Variants in SEC23IP observed in about 807,000 individuals in gnomAD.
SEC23IP encodes SEC23-interacting protein.
In SEC23IP, 70 loss-of-function variants were observed where a neutral mutation model predicts 113.4. The observed-to-expected ratio is 0.62, with a 90% CI of 0.51 to 0.75. The LOEUF is 0.75. Among genes scored for constraint, SEC23IP ranks in the 30% least tolerant of loss-of-function variants. The pLI, the probability that SEC23IP is intolerant of heterozygous loss-of-function variation, is 0.00. For missense variants in SEC23IP, 1,160 were observed against 1,204.9 expected, an observed-to-expected ratio of 0.96 and a Z score of 0.55; for synonymous variants, 398 against 421.0, an observed-to-expected ratio of 0.95 and a Z score of 0.67.
At position 119,904,218 on chromosome 10, in the gene SEC23IP, A is replaced by C; in HGVS notation, c.1042A>C (p.Lys348Gln). 6.2e-7 allele frequency: 1 copy of C among 1,614,198 alleles called. No homozygotes were observed. The highest frequency in any genetic ancestry group is 8.5e-7 in the Non-Finnish European group (1 of 1,180,020). The stretch of plus-strand genomic sequence containing the variant: ...AGTGAGACGCTGTACTTGGTTTTAC[A>C]AGGGGGACACAGATAGTCGATTTAT... ...AEVRRCTWFY[K>Q]GDTDSRFIPY... The change falls in exon 4 of 19, where the codon AAG (lysine) becomes CAG (glutamine). Residue 348 changes from lysine (K) to glutamine (Q), a missense_variant. By Grantham distance (53) the Lys-to-Gln change is moderately conservative (BLOSUM62 1). Coordinates refer to ENST00000369075, the MANE Select transcript of SEC23IP (RefSeq NM_007190.4).
chr10:119,920,950 T>C lies in SEC23IP; in HGVS notation c.2087T>C (p.Ile696Thr), dbSNP rs1044003966. The change falls in exon 12 of 19, where the codon ATA becomes ACA. Residue 696 changes from isoleucine (I) to threonine (T), a missense_variant. Ile to Thr is a moderately conservative substitution (Grantham distance 89, BLOSUM62 -1). Transcript: ENST00000369075. The stretch of plus-strand genomic sequence containing the variant: ...ATACCCCTTGGACCCAGAAAGAAGA[T>C]AGCTAACTTTGTAGAACATAAAGCA... ...MGIPLGPRKKIANFVEHKAAK... is the reference protein window; with the variant it reads ...MGIPLGPRKKTANFVEHKAAK... 2 of 1,613,820 alleles carry C rather than the reference T, an allele frequency of 1.2e-6. No homozygotes were observed. Among genetic ancestry groups the C allele is most frequent in the African/African-American group, 2.7e-5 (2 of 75,076 alleles).
chr10:119,909,847 G>A (rs905964744), intron 5 of SEC23IP, among the ~76,000 whole-genome samples: 1 of 151,894 alleles, frequency 6.6e-6, no homozygotes, highest in African/African-American at 2.4e-5. Flanking sequence ...CTGTGATCAC[G>A]CTCACTCCAG....
intron 2 of SEC23IP, 135 bp from the exon 3 acceptor site, chr10:119,902,664 T>C: frequency 1.4e-6 from 1 of 723,012 alleles, no homozygotes; most frequent in South Asian, 1.8e-5. Context: ...AAAATTGCTT[T>C]GGGGTCTAGT....
intron 4 of SEC23IP, among the ~76,000 whole-genome samples, chr10:119,905,663 G>T (rs887813558): frequency 1.3e-5 from 2 of 152,194 alleles, no homozygotes; most frequent in Non-Finnish European, 2.9e-5. Flanking sequence ...CAAAACAACG[G>T]AAGGGTTGGA....
rs776364453 is a variant in SEC23IP, at chr10:119,920,884, T to C, written c.2026-5T>C. 3.1e-6 allele frequency: 5 copies of C among 1,590,690 alleles called. No individual in the cohort carries two copies. Among genetic ancestry groups the C allele is most frequent in the Non-Finnish European group, 8.6e-7 (1 of 1,160,844 alleles). On this transcript the variant is annotated splice_region_variant and splice_polypyrimidine_tract_variant and intron_variant, in intron 11 of 18. Transcript: ENST00000369075. ...ATTAATGTGCTTGTCTGTTTCCTTT[T>C]AAAGCTTATGTGTACAGTTGATGAC...
At chr10:119,917,028 C>T (rs1160312580) in intron 8 of SEC23IP, among the ~76,000 whole-genome samples, 1 of 151,962 alleles carries the variant, frequency 6.6e-6, no homozygotes, top group Non-Finnish European at 1.5e-5. Context: ...GCCGCCATGC[C>T]TGGCTAATTT....
intron 2 of SEC23IP, 126 bp downstream of exon 2, chr10:119,899,085 T>A: frequency 1.2e-6 from 1 of 847,540 alleles, no homozygotes; most frequent in Non-Finnish European, 1.8e-6. Flanking sequence ...CAGAGGGTAT[T>A]CTTTGTAAGC....
chr10:119,933,495 C>T (rs1855674870), intron 17 of SEC23IP, among the ~76,000 whole-genome samples, 191 bp from the exon 18 acceptor site: 1 of 152,150 alleles, frequency 6.6e-6, no homozygotes, highest in Non-Finnish European at 1.5e-5. Context: ...TGGAGCTAAT[C>T]AGTATTCATC....
Position 119,931,937 on chromosome 10 carries a change from A to C in SEC23IP, c.2573-196A>C, listed in dbSNP as rs537486610. 1.0e-4 allele frequency among the ~76,000 whole-genome samples: 7 copies of C among 69,188 alleles called. No individual in the cohort carries two copies. The South Asian group carries it at 1.9e-3, about 19-fold the overall frequency. 45.4% of individuals were successfully genotyped at this position (69,188 alleles called of 152,430 possible). On this transcript the variant is annotated intron_variant, in intron 15 of 18. Transcript: ENST00000369075. Reference sequence around the variant, plus strand: ...TTTGCTGGATCAAGTTTAGTCATTAAAAAAAAAAGCAATAAGACTATCCAT... The same window carrying C: ...TTTGCTGGATCAAGTTTAGTCATTACAAAAAAAAGCAATAAGACTATCCAT...
At chr10:119,912,471 T>C (rs1339591904) in intron 6 of SEC23IP, among the ~76,000 whole-genome samples, 1 of 152,124 alleles carries the variant, frequency 6.6e-6, no homozygotes, top group Non-Finnish European at 1.5e-5. Context: ...TGTATCTTTA[T>C]TTTTTAATTG....
intron 2 of SEC23IP, among the ~76,000 whole-genome samples, chr10:119,902,363 TTAAA>T (rs1199993758): frequency 3.9e-5 from 6 of 152,218 alleles, no homozygotes; most frequent in African/African-American, 1.4e-4. Context: ...ACAAAAAAGG[TTAAA>T]TAAATCATGG....
At chr10:119,914,367 A>G (rs1052434757) in intron 6 of SEC23IP, 3 of 225,370 alleles carry the variant, frequency 1.3e-5, no homozygotes, top group Non-Finnish European at 2.7e-5. Context: ...TTCTTGTAAA[A>G]TAAATACTCA....
intron 13 of SEC23IP, among the ~76,000 whole-genome samples, chr10:119,929,295 G>T (rs1564922960): frequency 6.6e-6 from 1 of 152,092 alleles, no homozygotes; most frequent in African/African-American, 2.4e-5. Context: ...GTGCGGTGGT[G>T]TGATCTTGGC....
intron 2 of SEC23IP, among the ~76,000 whole-genome samples, chr10:119,901,967 G>A (rs2134458115): frequency 6.6e-6 from 1 of 152,300 alleles, no homozygotes; most frequent in East Asian, 1.9e-4. Flanking sequence ...GATTACAGGT[G>A]TGAGCCACTG....
chr10:119,917,808 A>G, intron 8 of SEC23IP, 28 bp from the exon 9 acceptor site: 1 of 1,553,968 alleles, frequency 6.4e-7, no homozygotes, highest in African/African-American at 1.4e-5. Flanking sequence ...ATGCTGACTG[A>G]ATGTGCTGTA....
chr10:119,902,087 T>C (rs1854513856), intron 2 of SEC23IP, among the ~76,000 whole-genome samples: 2 of 152,174 alleles, frequency 1.3e-5, no homozygotes, highest in African/African-American at 4.8e-5. Flanking sequence ...CCGGGTGTGG[T>C]GGCTCACACC....
At chr10:119,939,538 G>T (rs542813493) in intron 18 of SEC23IP, among the ~76,000 whole-genome samples, 20 of 152,016 alleles carry the variant, frequency 1.3e-4, no homozygotes, top group African/African-American at 4.1e-4. Context: ...AGCCGGGCGT[G>T]GTAGCACACA....
intron 1 of SEC23IP, 131 bp downstream of exon 1, chr10:119,893,076 C>A: frequency 9.8e-7 from 1 of 1,023,222 alleles, no homozygotes; most frequent in Non-Finnish European, 1.4e-6. Flanking sequence ...CATTACTGGC[C>A]AGGTTTGAGT....
intron 8 of SEC23IP, among the ~76,000 whole-genome samples, chr10:119,917,567 C>T (rs1032538715): frequency 6.6e-6 from 1 of 151,898 alleles, no homozygotes; most frequent in Non-Finnish European, 1.5e-5. Flanking sequence ...TTAGTAAAGA[C>T]GGGGTTTCGC....
Sources: gnomAD v4.1 joint callset for allele counts (sites outside exome capture counted in the v4.1 genomes callset) on GRCh38, gnomAD v4.1.1 for gene constraint, MANE v1.5 for transcripts, NCBI Gene and HGNC (gene_info 2026-07-23, HGNC 2026-07-21) for gene names.